Variants in DNAH1 observed in about 807,000 individuals in gnomAD.
The protein encoded by DNAH1 is dynein axonemal heavy chain 1.
DNAH1 carries 327 observed loss-of-function variants against 484.3 expected under a neutral mutation model. The ratio of observed to expected loss-of-function variants is 0.68; its 90% confidence interval spans 0.62 to 0.74. The LOEUF (loss-of-function observed/expected upper bound fraction) is 0.74. Ranked by LOEUF, DNAH1 falls within the 30% of genes least tolerant of loss-of-function variation. The pLI is 0.00. For missense variants in DNAH1, 5,052 were observed against 5,546.8 expected, an observed-to-expected ratio of 0.91 and a Z score of 2.83; for synonymous variants, 2,192 against 2,191.9, an observed-to-expected ratio of 1.00 and a Z score of 0.00.
Position 52,368,872 on chromosome 3 carries a change from A to G in DNAH1, c.5897A>G (p.Asn1966Ser), listed in dbSNP as rs1183069127. ...AACATGAACACGGTGCTGGATGACA[A>G]CAAGAAGCTGTGCCTCAGCTCTGGG... Reference protein sequence around the residue: ...IENMNTVLDDNKKLCLSSGEI... With the variant: ...IENMNTVLDDSKKLCLSSGEI... Residue 1966 changes from asparagine (N) to serine (S), a missense_variant, in exon 37 of 78, where the codon AAC becomes AGC. Asn to Ser is a conservative substitution (Grantham distance 46). This residue lies in a region of DNAH1 where 2,929 missense variants were observed against 3,409.4 expected (regional missense o/e 0.86). Coordinates refer to ENST00000420323, the MANE Select transcript of DNAH1 (RefSeq NM_015512.5). The surrounding 1 kb of genome is among the most constrained non-coding windows in gnomAD (Gnocchi z 4.4). The G allele has an allele frequency of 3.1e-6, 5 of 1,613,900 alleles. No homozygotes were observed. The highest frequency in any genetic ancestry group is 1.3e-5 in the African/African-American group (1 of 74,928).
chr3:52,394,469 A>AG lies in DNAH1; in HGVS notation c.10632dup (p.Trp3545ValfsTer15). On this transcript the variant is annotated frameshift_variant, in exon 67 of 78. Transcript: ENST00000420323. LOFTEE classifies it high-confidence loss of function. The stretch of plus-strand genomic sequence containing the variant: ...CCTCCTCCTGTCCCCTGCCAGAGTG[A>AG]GTGGCGATACCTCCTGTCTGGGGGC... 1 of 1,613,914 alleles carries AG rather than the reference A, an allele frequency of 6.2e-7. No homozygotes were observed. The highest frequency in any genetic ancestry group is 2.2e-5 in the East Asian group (1 of 44,866).
rs929668591 is a variant in DNAH1 at position 52,362,669 on chromosome 3, CAG to C, written c.5094+169_5094+170del. Among the ~76,000 whole-genome samples the C allele has an allele frequency of 3.3e-5, 5 of 152,188 alleles. No individual in the cohort carries two copies. The highest frequency in any genetic ancestry group is 4.4e-5 in the Non-Finnish European group (3 of 68,032). On this transcript the variant is annotated intron_variant, in intron 31 of 77. Transcript: ENST00000420323. The surrounding 1 kb of genome is among the most constrained non-coding windows in gnomAD (Gnocchi z 5.1). Reference sequence around the variant, plus strand: ...GGCCTCAGGGCCTCAGACTTGTCCTCAGGGCATGGGAGAAGTCAGGCTGCCTA... The same window carrying C: ...GGCCTCAGGGCCTCAGACTTGTCCTCGGCATGGGAGAAGTCAGGCTGCCTA...
At position 52,357,879 on chromosome 3, in the gene DNAH1, A is replaced by AC; in HGVS notation, c.3981-15dup. 6.2e-7 allele frequency: 1 copy of AC among 1,608,636 alleles called. No homozygotes were observed. The highest frequency in any genetic ancestry group is 8.5e-7 in the Non-Finnish European group (1 of 1,177,020). On this transcript the variant is annotated intron_variant, in intron 23 of 77. Transcript: ENST00000420323. ...GGGAGCCTGCACGACCCGCTTCCTCACCCCTGTTCCCCTGGCAGATTCTAC... is the reference window on the plus strand; with the variant it reads ...GGGAGCCTGCACGACCCGCTTCCTCACCCCCTGTTCCCCTGGCAGATTCTAC...
Position 52,388,434 on chromosome 3 carries a change from C to T in DNAH1, c.9188C>T (p.Ala3063Val), listed in dbSNP as rs1039829146. The T allele has an allele frequency of 6.2e-7, 1 of 1,612,000 alleles. No homozygotes were observed. ...VEPKRQALLE[A>V]QDDLGVTQRI... is the part of the protein sequence containing the mutation. ...GCCCCACAGCAAGCCCTGCTGGAGG[C>T]CCAGGATGACCTGGGGGTGACACAG... The change falls in exon 58 of 78, where the codon GCC becomes GTC. Residue 3063 changes from alanine (A) to valine (V), a missense_variant. Coordinates refer to ENST00000420323, the MANE Select transcript of DNAH1 (RefSeq NM_015512.5).
Position 52,397,881 on chromosome 3 carries a change from G to A in DNAH1, c.11958+4G>A, listed in dbSNP as rs1336415323. The A allele has an allele frequency of 1.3e-6, 2 of 1,596,254 alleles. No homozygotes were observed. Among genetic ancestry groups the A allele is most frequent in the Non-Finnish European group, 1.7e-6 (2 of 1,170,346 alleles). On this transcript the variant is annotated splice_donor_region_variant and intron_variant, in intron 74 of 77. Transcript: ENST00000420323. ...AGGCAGCCAGGGCCGGGAGGAGGTG[G>A]GTGGTGTCAGAGTAAGGGGCCCAAG...
intron 1 of DNAH1, among the ~76,000 whole-genome samples, chr3:52,319,161 G>C (rs1018940088): frequency 6.6e-6 from 1 of 152,162 alleles, no homozygotes; most frequent in Non-Finnish European, 1.5e-5. Flanking sequence ...GCTGTAAATT[G>C]GCAATAATAG....
At chr3:52,375,878 A>G (rs1703571396) in intron 45 of DNAH1, 77 bp from the exon 46 acceptor site, 16 of 1,545,320 alleles carry the variant, frequency 1.0e-5, no homozygotes, top group Non-Finnish European at 1.4e-5. Context: ...TGTTTCCCCC[A>G]CCATCTCACC....
chr3:52,363,212 C>T (rs1042189111), intron 32 of DNAH1, 68 bp downstream of exon 32: 68 of 1,588,272 alleles, frequency 4.3e-5, no homozygotes, highest in Admixed American at 6.8e-5. Flanking sequence ...TCCAGGGCAC[C>T]TGCTGAGGGC....
intron 8 of DNAH1, among the ~76,000 whole-genome samples, chr3:52,333,418 A>T (rs1701626253): frequency 6.5e-5 from 7 of 106,980 alleles, no homozygotes; most frequent in Admixed American, 1.0e-4. Context: ...ATGGAGTTTG[A>T]CTCTTGTCAC....
In DNAH1 at chr3:52,327,970, T is replaced by C; in HGVS notation, c.827T>C (p.Val276Ala). ...CCAGGGTCTCTGGACAGGAAACCTG[T>C]CCCGGGAAAAGCCCTCTTGCCCACT... ...LEPGSLDRKP[V>A]PGKALLPTDD... Residue 276 changes from valine (V) to alanine (A), a missense_variant, in exon 6 of 78, where the codon GTC (valine) becomes GCC (alanine). By Grantham distance (64) the Val-to-Ala change is moderately conservative. Around this residue, in one of 4 missense-constraint regions of DNAH1, gnomAD observed 1,263 missense variants for 1,218.8 expected, o/e 1.04. Transcript: ENST00000420323. 2 of 1,613,900 alleles carry C rather than the reference T, an allele frequency of 1.2e-6. No homozygotes were observed. Among genetic ancestry groups the C allele is most frequent in the Non-Finnish European group, 8.5e-7 (1 of 1,179,824 alleles).
intron 54 of DNAH1, 142 bp from the exon 55 acceptor site, chr3:52,386,018 C>T: frequency 1.1e-6 from 1 of 948,780 alleles, no homozygotes; most frequent in Non-Finnish European, 1.5e-6. Context: ...GAAGGGGCTC[C>T]TGGTATTCCC....
chr3:52,325,869 G>T (rs1008671028), intron 3 of DNAH1, among the ~76,000 whole-genome samples: 1 of 152,206 alleles, frequency 6.6e-6, no homozygotes, highest in African/African-American at 2.4e-5. Context: ...GCTGGGTGGT[G>T]TGGAAAGGAG....
chr3:52,324,260 G>C (rs1432821120), intron 3 of DNAH1, among the ~76,000 whole-genome samples: 1 of 152,204 alleles, frequency 6.6e-6, no homozygotes, highest in Non-Finnish European at 1.5e-5. Flanking sequence ...CCAGCACCTA[G>C]AACAGGACCT....
intron 46 of DNAH1, among the ~76,000 whole-genome samples, chr3:52,378,194 C>T (rs1703685842): frequency 6.6e-6 from 1 of 152,012 alleles, no homozygotes; most frequent in Non-Finnish European, 1.5e-5. Context: ...CTCCAAGCCT[C>T]CCCACGCCCA....
intron 53 of DNAH1, 101 bp from the exon 54 acceptor site, chr3:52,385,236 C>A: frequency 1.6e-6 from 2 of 1,253,334 alleles, no homozygotes; most frequent in Non-Finnish European, 2.2e-6. Context: ...ACCGAAGCTG[C>A]CGGCCACAGC....
rs202174386 is a variant in DNAH1, at chr3:52,322,711, C to T, written c.269C>T (p.Pro90Leu). The T allele has an allele frequency of 1.2e-4, 197 of 1,613,506 alleles. No individual in the cohort carries two copies. The African/African-American group carries it at 1.7e-3, about 14-fold the overall frequency. Residue 90 changes from proline to leucine, a missense_variant, in exon 2 of 78, where the codon CCG becomes CTG. Physicochemically the swap from Pro to Leu is moderately conservative, Grantham distance 98. Coordinates refer to ENST00000420323, the MANE Select transcript of DNAH1 (RefSeq NM_015512.5). ...SPLTGTDKKY[P>L]LMKQRGFYSD... ...CTGACAGGCACTGATAAGAAGTACC[C>T]GCTGATGAAGCAGCGTGGGTTCTAC...
intron 23 of DNAH1, 62 bp from the exon 24 acceptor site, chr3:52,357,836 T>G (rs1213731381): frequency 1.9e-6 from 3 of 1,584,834 alleles, no homozygotes; most frequent in Admixed American, 3.5e-5. Context: ...TCAGCAGGAC[T>G]GGGGCAGCTG....
Position 52,378,777 on chromosome 3 carries a change from C to T in DNAH1, c.7374C>T (p.Val2458=), listed in dbSNP as rs754232909. ...TGCTCATGGCTGACCCGGCCAAGGT[C>T]GAGGTGAGGACCAGGCAGGCACCCT... ...QGMLMADPAK[V]EDQVQLLRLW... Residue 2458 remains valine (V), a synonymous_variant, in exon 47 of 78, where the codon GTC becomes GTT. Transcript: ENST00000420323. The T allele has an allele frequency of 4.6e-5, 74 of 1,613,424 alleles. No individual in the cohort carries two copies. In the South Asian group the frequency reaches 6.3e-4, roughly 14 times the overall value.
At position 52,382,599 on chromosome 3, in the gene DNAH1, GC is replaced by G. The variant is rs2153225190; in HGVS notation, c.7941+146del. Reference sequence around the variant, plus strand: ...GAAGAGACCACCAGGACCAGGTGGGGCCACAGATGGGCAGGTTGAGAGCATG... The same window carrying G: ...GAAGAGACCACCAGGACCAGGTGGGGCACAGATGGGCAGGTTGAGAGCATG... On this transcript the variant is annotated intron_variant, in intron 50 of 77. Transcript: ENST00000420323. 20 of 1,335,786 alleles carry G rather than the reference GC, an allele frequency of 1.5e-5. No homozygotes were observed. The South Asian group carries it at 2.4e-4, about 16-fold the overall frequency. The allele number at this position is 1,335,786 out of a possible 1,614,324, so 82.7% of individuals were successfully genotyped here.
Sources: allele counts gnomAD v4.1 joint callset (sites outside exome capture counted in the v4.1 genomes callset), GRCh38; gene constraint gnomAD v4.1.1; regional missense constraint gnomAD v4.1.1; non-coding constraint Gnocchi (gnomAD v3.1); transcripts MANE v1.5; gene names NCBI Gene and HGNC (gene_info 2026-07-23, HGNC 2026-07-21).